The following SMG1 variants were observed in gnomAD, a reference collection of about 807,000 sequenced individuals.
SMG1 encodes serine/threonine-protein kinase SMG1.
In SMG1, 22 loss-of-function variants were observed where a neutral mutation model predicts 419.9. The ratio of observed to expected loss-of-function variants is 0.05; its 90% CI spans 0.04 to 0.07. SMG1 has a LOEUF of 0.07. Ranked by LOEUF, SMG1 falls within the 10% of genes least tolerant of loss-of-function variation. The pLI, the probability that SMG1 is intolerant of heterozygous loss-of-function variation, is 1.00. For missense variants in SMG1, 3,185 were observed against 4,342.0 expected, an observed-to-expected ratio of 0.73 and a Z score of 7.49; for synonymous variants, 1,538 against 1,553.5, an observed-to-expected ratio of 0.99 and a Z score of 0.23.
At chr16:18,845,383 A>C in intron 39 of SMG1, 46 bp downstream of exon 39, 1 of 1,507,002 alleles carries the variant, frequency 6.6e-7, no homozygotes, top group Non-Finnish European at 9.2e-7. Flanking sequence ...ATCTCATGGG[A>C]ACTGTGATGT....
chr16:18,807,167 G>A lies in SMG1; in HGVS notation c.*2402C>T, dbSNP rs1017776538. 1.3e-5 allele frequency: 2 copies of A among 152,148 alleles called. No individual in the cohort carries two copies. Among genetic ancestry groups the A allele is most frequent in the African/African-American group, 2.4e-5 (1 of 41,438 alleles). The allele number at this position is 152,148 out of a possible 1,614,324, so 9.4% of individuals were successfully genotyped here. A position where few individuals can be genotyped will look rare whatever the true frequency, so the allele number is the denominator to read the frequency against. On this transcript the variant is annotated 3_prime_UTR_variant, in exon 63 of 63. Coordinates refer to ENST00000446231, the MANE Select transcript of SMG1 (RefSeq NM_015092.5). ...GTACCTCTGAAGCCTGAAAACACAGGCAATAAAATTCACCTATTTATCTTC... is the reference window on the plus strand; with the variant it reads ...GTACCTCTGAAGCCTGAAAACACAGACAATAAAATTCACCTATTTATCTTC...
chr16:18,894,985 T>C (rs2037055200), intron 3 of SMG1, among the ~76,000 whole-genome samples: 1 of 151,920 alleles, frequency 6.6e-6, no homozygotes, highest in South Asian at 2.1e-4. Flanking sequence ...ACCCGGCTAA[T>C]TTTTTGTATT....
intron 9 of SMG1, among the ~76,000 whole-genome samples, chr16:18,882,889 G>A (rs932790801): frequency 1.3e-5 from 2 of 152,170 alleles, no homozygotes; most frequent in East Asian, 3.8e-4. Flanking sequence ...AAATTAAGCA[G>A]CAAAATAACA....
intron 62 of SMG1, among the ~76,000 whole-genome samples, chr16:18,811,193 G>A (rs1383258948): frequency 6.6e-6 from 1 of 151,982 alleles, no homozygotes; most frequent in Non-Finnish European, 1.5e-5. Flanking sequence ...ACTTGGTGGT[G>A]GGATGCAAGT....
intron 1 of SMG1, among the ~76,000 whole-genome samples, chr16:18,921,002 G>C (rs1440552908): frequency 6.6e-6 from 1 of 152,132 alleles, no homozygotes; most frequent in Admixed American, 6.6e-5. Context: ...GCCGGGCATA[G>C]TGGCATGTAC....
chr16:18,872,264 C>T lies in SMG1; in HGVS notation c.2103G>A (p.Thr701=), dbSNP rs374203207. Residue 701 remains threonine (T), a synonymous_variant, in exon 15 of 63, where the codon ACG becomes ACA. Coordinates refer to ENST00000446231, the MANE Select transcript of SMG1 (RefSeq NM_015092.5). ...TAATTGAGAAATGTTTCTTTGTAGC[C>T]GTAGTTACAGTGCTAATCACAGCTC... ...FDGAVISTVT[T]ATKKHFSIIL... The T allele has an allele frequency of 1.7e-5, 27 of 1,593,802 alleles. No individual in the cohort carries two copies. In the East Asian group the frequency reaches 3.1e-4, roughly 19 times the overall value.
intron 1 of SMG1, among the ~76,000 whole-genome samples, chr16:18,899,354 T>G (rs998098096): frequency 6.6e-6 from 1 of 152,066 alleles, no homozygotes; most frequent in African/African-American, 2.4e-5. Flanking sequence ...CAAAAAAAAT[T>G]TGTGTTTTCA....
At chr16:18,842,748 T>A (rs1209531530) in intron 39 of SMG1, among the ~76,000 whole-genome samples, 4 of 152,180 alleles carry the variant, frequency 2.6e-5, no homozygotes, top group African/African-American at 9.7e-5. Flanking sequence ...GAGGATCACC[T>A]GAGCCCAGGG....
At position 18,818,818 on chromosome 16, in the gene SMG1, C is replaced by CTTT. The variant is rs35000007; in HGVS notation, c.9894+681_9894+683dup. On this transcript the variant is annotated intron_variant, in intron 56 of 62. Coordinates refer to ENST00000446231, the MANE Select transcript of SMG1 (RefSeq NM_015092.5). ...CAGCCTCTTGACAGGGCACAAGGTCCTTTTTTTTTTTTTTTTGAGACAGAG... is the reference window on the plus strand; with the variant it reads ...CAGCCTCTTGACAGGGCACAAGGTCCTTTTTTTTTTTTTTTTTTTGAGACAGAG... Among the ~76,000 whole-genome samples the CTTT allele has an allele frequency of 3.3e-3, 429 of 131,606 alleles. 4 individuals are homozygous for CTTT. The highest frequency in any genetic ancestry group is 6.2e-3 in the African/African-American group (217 of 35,142). 86.3% of individuals were successfully genotyped at this position (131,606 alleles called of 152,430 possible). A position where few individuals can be genotyped will look rare whatever the true frequency, so the allele number is the denominator to read the frequency against.
Position 18,836,188 on chromosome 16 carries a change from G to C in SMG1, c.7802C>G (p.Thr2601Arg). 1 of 1,612,118 alleles carries C rather than the reference G, an allele frequency of 6.2e-7. No individual in the cohort carries two copies. Among genetic ancestry groups the C allele is most frequent in the Non-Finnish European group, 8.5e-7 (1 of 1,178,956 alleles). The change falls in exon 48 of 63, where the codon ACA becomes AGA. Residue 2601 changes from threonine to arginine, a missense_variant. Thr to Arg is a moderately conservative substitution (Grantham distance 71). Coordinates refer to ENST00000446231, the MANE Select transcript of SMG1 (RefSeq NM_015092.5). ...DLGPPSYVPA[T>R]AFLQNAGQAH... The stretch of plus-strand genomic sequence containing the variant: ...CTGACCAGCATTCTGCAGAAAGGCT[G>C]TTGCTGGCACGTAACTTGGAGGACC...
At chr16:18,819,856 G>A (rs540105990) in intron 55 of SMG1, among the ~76,000 whole-genome samples, 2 of 152,352 alleles carry the variant, frequency 1.3e-5, no homozygotes, top group South Asian at 4.1e-4. Context: ...TATGGAGAGA[G>A]AGGCAAGAAC....
At chr16:18,886,551 C>A (rs1474648992) in intron 6 of SMG1, among the ~76,000 whole-genome samples, 2 of 152,130 alleles carry the variant, frequency 1.3e-5, no homozygotes, top group African/African-American at 4.8e-5. Context: ...ACCTGTAACC[C>A]CAACACTTTG....
At chr16:18,879,887 T>C (rs2036307711) in intron 10 of SMG1, among the ~76,000 whole-genome samples, 168 bp from the exon 11 acceptor site, 1 of 152,258 alleles carries the variant, frequency 6.6e-6, no homozygotes, top group African/African-American at 2.4e-5. Context: ...ATATCTTTAG[T>C]ACAGTATGTA....
intron 3 of SMG1, among the ~76,000 whole-genome samples, chr16:18,893,210 C>G (rs2036962043): frequency 1.3e-5 from 2 of 152,238 alleles, no homozygotes; most frequent in Admixed American, 1.3e-4. Context: ...TCATCTACCA[C>G]ATGCAAGGCA....
At position 18,877,158 on chromosome 16, in the gene SMG1, T is replaced by C. The variant is rs760986459; in HGVS notation, c.1593A>G (p.Leu531=). The C allele has an allele frequency of 9.0e-6, 14 of 1,554,894 alleles. No individual in the cohort carries two copies. The highest frequency in any genetic ancestry group is 1.2e-5 in the South Asian group (1 of 86,912). ...CTTTTTCTTTATGATAACGCAAGAA[T>C]AGTAGTTTAGATGATGGTATAAACA... is the stretch of plus-strand genomic sequence containing the variant. The part of the protein sequence containing the change: ...EKLFIPSSKL[L]FLRYHKEKEV... The change falls in exon 12 of 63, where the codon CTA becomes CTG. Residue 531 remains leucine (L), a synonymous_variant. Coordinates refer to ENST00000446231, the MANE Select transcript of SMG1 (RefSeq NM_015092.5).
At chr16:18,924,446 C>G (rs981019976) in intron 1 of SMG1, among the ~76,000 whole-genome samples, 1 of 152,330 alleles carries the variant, frequency 6.6e-6, no homozygotes, top group African/African-American at 2.4e-5. Context: ...TATACTTATA[C>G]TGATCACAAT....
In SMG1 at chr16:18,836,101, C is replaced by T; in HGVS notation, c.7889G>A (p.Arg2630Lys). Residue 2630 changes from arginine (R) to lysine (K), a missense_variant, in exon 48 of 63, where the codon AGG becomes AAG. By Grantham distance (26) the Arg-to-Lys change is conservative. Around this residue, in one of 27 missense-constraint regions of SMG1, gnomAD observed 412 missense variants for 546.6 expected, o/e 0.75. Transcript: ENST00000446231. ...EGEVGALLQQ[R>K]RSVLRGCLEQ... ...CAGACAGCCACGGAGCACGGAGCGCCTCTGCTGCAGGAGAGCACCAACCTC... is the reference window on the plus strand; with the variant it reads ...CAGACAGCCACGGAGCACGGAGCGCTTCTGCTGCAGGAGAGCACCAACCTC... 1 of 1,609,334 alleles carries T rather than the reference C, an allele frequency of 6.2e-7. No individual in the cohort carries two copies. Among genetic ancestry groups the T allele is most frequent in the Non-Finnish European group, 8.5e-7 (1 of 1,177,842 alleles).
At position 18,885,621 on chromosome 16, in the gene SMG1, G is replaced by A; in HGVS notation, c.868C>T (p.Pro290Ser). ...TTAACACATTTACAAAGCAATTCTG[G>A]TGTATCCACATTTTCAAGAATAGAC... The part of the protein sequence containing the change: ...LQSILENVDT[P>S]ELLCKCVKCI... The change falls in exon 7 of 63, where the codon CCA (proline) becomes TCA (serine). Residue 290 changes from proline (P) to serine (S), a missense_variant. Pro to Ser is a moderately conservative substitution (Grantham distance 74). Coordinates refer to ENST00000446231, the MANE Select transcript of SMG1 (RefSeq NM_015092.5). 6.3e-7 allele frequency: 1 copy of A among 1,595,932 alleles called. No homozygotes were observed. Among genetic ancestry groups the A allele is most frequent in the Non-Finnish European group, 8.5e-7 (1 of 1,179,446 alleles).
chr16:18,883,493 A>G (rs888782437), intron 9 of SMG1, among the ~76,000 whole-genome samples: 5 of 152,266 alleles, frequency 3.3e-5, no homozygotes, highest in South Asian at 4.1e-4. Flanking sequence ...ATAAAAATAA[A>G]TAACAAAAAA....
Sources: gnomAD v4.1 joint callset for allele counts (sites outside exome capture counted in the v4.1 genomes callset) on GRCh38, gnomAD v4.1.1 for gene constraint, gnomAD v4.1.1 regional missense constraint, MANE v1.5 for transcripts, NCBI Gene and HGNC (gene_info 2026-07-23, HGNC 2026-07-21) for gene names.